The following ADAMTSL1 variants were observed in gnomAD, a reference collection of about 807,000 sequenced individuals.
ADAMTSL1 encodes ADAMTS-like protein 1.
ADAMTSL1 carries 126 observed loss-of-function variants against 201.8 expected under a neutral mutation model. The ratio of observed to expected loss-of-function variants is 0.62; its 90% confidence interval spans 0.54 to 0.72. The LOEUF is 0.72. Ranked by LOEUF, ADAMTSL1 falls within the 30% of genes least tolerant of loss-of-function variation. The pLI, the probability that ADAMTSL1 is intolerant of heterozygous loss-of-function variation, is 0.00. For missense variants in ADAMTSL1, 2,679 were observed against 2,277.8 expected (o/e 1.18, Z -3.59); for synonymous variants, 1,121 against 903.4 (o/e 1.24, Z -4.32).
chr9:18,245,966 G>T (rs1469457657), intron 2 of ADAMTSL1, among the ~76,000 whole-genome samples: 2 of 152,094 alleles, frequency 1.3e-5, no homozygotes, highest in South Asian at 4.1e-4. Flanking sequence ...CAAATTAGCA[G>T]AGACTACTGT....
chr9:18,534,979 T>A (rs1051347254), intron 3 of ADAMTSL1, among the ~76,000 whole-genome samples: 4 of 152,232 alleles, frequency 2.6e-5, no homozygotes, highest in African/African-American at 9.6e-5. Context: ...GGAAGGTCTC[T>A]GACATGATCT....
At chr9:18,508,368 G>A (rs551208005) in intron 2 of ADAMTSL1, among the ~76,000 whole-genome samples, 65 of 152,146 alleles carry the variant, frequency 4.3e-4, no homozygotes, top group African/African-American at 1.5e-3. Context: ...TGAAAGTGTG[G>A]AGCAAGTCCC....
chr9:18,773,455 A>G (rs1431838957), intron 17 of ADAMTSL1, among the ~76,000 whole-genome samples: 1 of 152,210 alleles, frequency 6.6e-6, no homozygotes, highest in Non-Finnish European at 1.5e-5. Context: ...GAAAGATCCT[A>G]TAGCCTAATT....
intron 26 of ADAMTSL1, among the ~76,000 whole-genome samples, chr9:18,893,627 G>C (rs1319813573): frequency 6.6e-6 from 1 of 152,224 alleles, no homozygotes; most frequent in Non-Finnish European, 1.5e-5. Context: ...GGCTACGCTT[G>C]AAAGAGTAGC....
chr9:18,565,084 G>A (rs1237690379), intron 3 of ADAMTSL1, among the ~76,000 whole-genome samples: 1 of 152,142 alleles, frequency 6.6e-6, no homozygotes, highest in Admixed American at 6.5e-5. Flanking sequence ...AAACTAGCCT[G>A]GCAAACCATT....
chr9:18,727,717 C>A (rs1020973761), intron 15 of ADAMTSL1, among the ~76,000 whole-genome samples: 1 of 152,184 alleles, frequency 6.6e-6, no homozygotes, highest in Non-Finnish European at 1.5e-5. Context: ...GCATGTGTGA[C>A]CATGGAAAGG....
intron 2 of ADAMTSL1, among the ~76,000 whole-genome samples, chr9:18,247,009 T>A (rs1831278614): frequency 6.6e-6 from 1 of 152,180 alleles, no homozygotes; most frequent in African/African-American, 2.4e-5. Flanking sequence ...AGTCATACAT[T>A]TTCTACAGAA....
chr9:17,920,845 G>T (rs1436114355), intron 1 of ADAMTSL1, among the ~76,000 whole-genome samples: 1 of 152,196 alleles, frequency 6.6e-6, no homozygotes, highest in Non-Finnish European at 1.5e-5. Flanking sequence ...ACAAATGATT[G>T]TGACTGTGTT....
At chr9:18,221,267 C>A (rs1464886831) in intron 2 of ADAMTSL1, among the ~76,000 whole-genome samples, 1 of 152,120 alleles carries the variant, frequency 6.6e-6, no homozygotes, top group African/African-American at 2.4e-5. Flanking sequence ...ACAGTGTGAC[C>A]AAGTGCAAAT....
rs117837859 is a variant in ADAMTSL1 at position 18,849,333 on chromosome 9, T to A, written c.4249+19356T>A. Among the ~76,000 whole-genome samples the A allele has an allele frequency of 1.3e-3, 203 of 152,288 alleles. 2 individuals are homozygous for A. In the East Asian group the frequency reaches 0.037, roughly 28 times the overall value. ...CCCCACCCGCACATTTCCTATAGCC[T>A]GGATTTTTCTTGTACAGCCTGGATC... On this transcript the variant is annotated intron_variant, in intron 23 of 28. Transcript: ENST00000380548.
chr9:18,795,309 T>C, intron 19 of ADAMTSL1, 88 bp from the exon 20 acceptor site: 2 of 1,557,526 alleles, frequency 1.3e-6, no homozygotes, highest in Non-Finnish European at 1.7e-6. Context: ...GCATACACCC[T>C]GAGGTTCCTT....
chr9:18,183,440 A>G (rs1828589377), intron 2 of ADAMTSL1, among the ~76,000 whole-genome samples: 1 of 152,230 alleles, frequency 6.6e-6, no homozygotes, highest in Non-Finnish European at 1.5e-5. Flanking sequence ...CGAAAAGGCA[A>G]ACCACAGACT....
chr9:18,684,324 G>T (rs987495054), intron 12 of ADAMTSL1, among the ~76,000 whole-genome samples: 4 of 151,910 alleles, frequency 2.6e-5, no homozygotes, highest in African/African-American at 9.7e-5. Flanking sequence ...TAGAATTTAT[G>T]AAAATATCAC....
intron 1 of ADAMTSL1, among the ~76,000 whole-genome samples, chr9:18,121,110 G>A (rs988808578): frequency 1.3e-5 from 2 of 152,184 alleles, no homozygotes; most frequent in Non-Finnish European, 2.9e-5. Flanking sequence ...GATGGTAAGA[G>A]ACTTCCAAAG....
intron 2 of ADAMTSL1, among the ~76,000 whole-genome samples, chr9:18,430,566 A>G (rs930854143): frequency 6.6e-6 from 1 of 152,194 alleles, no homozygotes; most frequent in Non-Finnish European, 1.5e-5. Context: ...TGCATTTAAA[A>G]GGGTTTCATG....
At chr9:18,812,285 C>A (rs920265579) in intron 20 of ADAMTSL1, among the ~76,000 whole-genome samples, 11 of 152,056 alleles carry the variant, frequency 7.2e-5, no homozygotes, top group African/African-American at 2.2e-4. Context: ...CAACTGTGCC[C>A]AGCTAATTTT....
At chr9:18,025,509 A>G (rs1820654471) in intron 1 of ADAMTSL1, among the ~76,000 whole-genome samples, 1 of 151,844 alleles carries the variant, frequency 6.6e-6, no homozygotes, top group Non-Finnish European at 1.5e-5. Flanking sequence ...TATTGAATAG[A>G]GTCCTTTCCC....
At position 18,002,036 on chromosome 9, in the gene ADAMTSL1, C is replaced by G. The variant is rs368212408; in HGVS notation, c.87+95114C>G. Among the ~76,000 whole-genome samples the G allele has an allele frequency of 1.4e-4, 22 of 151,914 alleles. No homozygotes were observed. The East Asian group carries it at 2.7e-3, about 19-fold the overall frequency. On this transcript the variant is annotated intron_variant, in intron 1 of 29. Transcript: ENST00000680146. ...GCTGGAGAGGACTGTGGAGGGAGGG[C>G]TGTACTTTCCTACACTGAAAGGATG...
chr9:18,809,148 C>A (rs1414584367), intron 20 of ADAMTSL1, among the ~76,000 whole-genome samples: 1 of 152,136 alleles, frequency 6.6e-6, no homozygotes, highest in Non-Finnish European at 1.5e-5. Context: ...AAGATAAATT[C>A]TGTTAGTTCT....
Sources: allele counts gnomAD v4.1 joint callset (sites outside exome capture counted in the v4.1 genomes callset), GRCh38; gene constraint gnomAD v4.1.1; transcripts MANE v1.5; gene names NCBI Gene and HGNC (gene_info 2026-07-23, HGNC 2026-07-21).